The following FARP1 variants were observed in gnomAD, a reference collection of about 807,000 sequenced individuals.
FARP1 encodes FERM, ARHGEF and pleckstrin domain-containing protein 1.
In FARP1, 52 loss-of-function variants were observed where a neutral mutation model predicts 128.8. The ratio of observed to expected loss-of-function variants is 0.40; its 90% CI spans 0.32 to 0.51. The LOEUF (loss-of-function observed/expected upper bound fraction) is 0.51. FARP1 is among the 20% of genes least tolerant of loss of function. The probability of loss-of-function intolerance (pLI) is 0.45; values close to 1 mark genes in which losing one functional copy is unlikely to be tolerated. For synonymous variants in FARP1, 580 were observed against 551.8 expected, an observed-to-expected ratio of 1.05 and a Z score of -0.72; for missense variants, 1,333 against 1,367.9, an observed-to-expected ratio of 0.97 and a Z score of 0.40.
intron 2 of FARP1, among the ~76,000 whole-genome samples, chr13:98,226,708 T>A (rs149158785): frequency 6.6e-6 from 1 of 152,172 alleles, no homozygotes; most frequent in Non-Finnish European, 1.5e-5. Flanking sequence ...AAATCACATG[T>A]ATGTGTACTT....
intron 1 of FARP1, among the ~76,000 whole-genome samples, chr13:98,147,840 AT>A (rs944826580): frequency 5.2e-5 from 6 of 114,888 alleles, no homozygotes; most frequent in African/African-American, 1.9e-4. Context: ...CTTTAAAAAA[AT>A]TTTTCTTAGA....
intron 3 of FARP1, among the ~76,000 whole-genome samples, chr13:98,362,926 C>T (rs994774533): frequency 6.6e-6 from 1 of 152,196 alleles, no homozygotes. Flanking sequence ...CTGGTTGTTA[C>T]GTCTTCAGTT....
At chr13:98,188,177 A>T (rs1879003858) in intron 1 of FARP1, among the ~76,000 whole-genome samples, 1 of 152,154 alleles carries the variant, frequency 6.6e-6, no homozygotes, top group South Asian at 2.1e-4. Context: ...GCATTTCGGC[A>T]GCACCCACGT....
chr13:98,215,692 T>C (rs1298150839), intron 2 of FARP1, among the ~76,000 whole-genome samples: 1 of 152,192 alleles, frequency 6.6e-6, no homozygotes, highest in Non-Finnish European at 1.5e-5. Flanking sequence ...AGCTGCTAAT[T>C]AAATGTTTGC....
intron 1 of FARP1, among the ~76,000 whole-genome samples, chr13:98,161,136 G>A (rs1347473068): frequency 9.3e-5 from 14 of 151,280 alleles, no homozygotes. Context: ...TTTTAAGAAC[G>A]CTCTATTTTT....
At chr13:98,349,945 C>T (rs1433913536) in intron 3 of FARP1, among the ~76,000 whole-genome samples, 3 of 152,146 alleles carry the variant, frequency 2.0e-5, no homozygotes, top group African/African-American at 7.2e-5. Context: ...ACACCTCCTT[C>T]ATCTGTGCTT....
At chr13:98,330,393 A>G (rs988618706) in intron 2 of FARP1, among the ~76,000 whole-genome samples, 1 of 152,178 alleles carries the variant, frequency 6.6e-6, no homozygotes, top group Non-Finnish European at 1.5e-5. Flanking sequence ...GAAATTGTTT[A>G]TGTGATAAGT....
At chr13:98,218,609 G>C (rs912182213) in intron 2 of FARP1, among the ~76,000 whole-genome samples, 2 of 152,168 alleles carry the variant, frequency 1.3e-5, no homozygotes, top group African/African-American at 4.8e-5. Context: ...TGGGTACCGT[G>C]TGTCTACTGT....
At chr13:98,148,863 C>G (rs1159403236) in intron 1 of FARP1, among the ~76,000 whole-genome samples, 1 of 151,914 alleles carries the variant, frequency 6.6e-6, no homozygotes, top group East Asian at 1.9e-4. Flanking sequence ...CTGGCTATGA[C>G]ATGTCTAGGT....
intron 2 of FARP1, among the ~76,000 whole-genome samples, chr13:98,231,912 C>A (rs1882135279): frequency 6.6e-6 from 1 of 152,136 alleles, no homozygotes; most frequent in South Asian, 2.1e-4. Context: ...ACTGCAACCT[C>A]TGCCTCCCAG....
In FARP1 at chr13:98,384,869, T is replaced by C. The variant is rs199502278; in HGVS notation, c.611+25T>C. 3.5e-5 allele frequency: 50 copies of C among 1,436,580 alleles called. No individual in the cohort carries two copies. In the East Asian group the frequency reaches 1.0e-3, roughly 29 times the overall value. The allele number at this position is 1,436,580 out of a possible 1,614,324, so 89.0% of individuals were successfully genotyped here. Reference sequence around the variant, plus strand: ...TGTAAGTCTCATTCTTGGCTTCATATTCCCTCTGAGCCGGTTCTCTCTGCC... The same window carrying C: ...TGTAAGTCTCATTCTTGGCTTCATACTCCCTCTGAGCCGGTTCTCTCTGCC... On this transcript the variant is annotated intron_variant, in intron 7 of 26. Coordinates refer to ENST00000319562, the MANE Select transcript of FARP1 (RefSeq NM_005766.4).
intron 2 of FARP1, among the ~76,000 whole-genome samples, chr13:98,274,781 T>G (rs1884557076): frequency 6.6e-6 from 1 of 152,124 alleles, no homozygotes; most frequent in Non-Finnish European, 1.5e-5. Flanking sequence ...TTGGTGACCA[T>G]CAAAAATCTC....
At chr13:98,190,754 G>C (rs1044755566) in intron 1 of FARP1, among the ~76,000 whole-genome samples, 2 of 143,190 alleles carry the variant, frequency 1.4e-5, no homozygotes, top group Admixed American at 1.4e-4. Flanking sequence ...TTTTTTTGGA[G>C]AGACAGGGTC....
intron 1 of FARP1, among the ~76,000 whole-genome samples, chr13:98,189,748 T>G (rs1412566535): frequency 2.6e-5 from 4 of 152,254 alleles, no homozygotes. Flanking sequence ...GTAATAAATC[T>G]GTTTTGCATT....
intron 1 of FARP1, among the ~76,000 whole-genome samples, chr13:98,191,992 T>C (rs1879260592): frequency 6.6e-6 from 1 of 152,132 alleles, no homozygotes; most frequent in South Asian, 2.1e-4. Context: ...GAAAAATGAC[T>C]TGTAGTCCCG....
At chr13:98,444,283 C>T (rs142214692) in intron 24 of FARP1, among the ~76,000 whole-genome samples, 1 of 152,110 alleles carries the variant, frequency 6.6e-6, no homozygotes, top group African/African-American at 2.4e-5. Flanking sequence ...GACCCTGTGT[C>T]CATGTGAGGT....
In FARP1 at chr13:98,431,292, G is replaced by A. The variant is rs1454857203; in HGVS notation, c.2143+12G>A. ...CAGGGACTGCCGAGGTGAGTGCTGG[G>A]AGCCTGCGCCACCTGGTGCCCATGC... On this transcript the variant is annotated intron_variant, in intron 18 of 26. Transcript: ENST00000319562. 1 of 1,559,242 alleles carries A rather than the reference G, an allele frequency of 6.4e-7. No individual in the cohort carries two copies.
intron 16 of FARP1, among the ~76,000 whole-genome samples, chr13:98,418,338 G>A (rs965636795): frequency 6.6e-5 from 10 of 151,830 alleles, no homozygotes; most frequent in Admixed American, 6.6e-4. Flanking sequence ...GCAGCAGTGT[G>A]ATCTTGGCTC....
rs148282433 is a variant in FARP1 at position 98,391,862 on chromosome 13, G to A, written c.1088+982G>A. 1.8e-3 allele frequency among the ~76,000 whole-genome samples: 270 copies of A among 152,312 alleles called. 1 individual carries two copies. The highest frequency in any genetic ancestry group is 6.0e-3 in the African/African-American group (250 of 41,562). On this transcript the variant is annotated intron_variant, in intron 11 of 26. Coordinates refer to ENST00000319562, the MANE Select transcript of FARP1 (RefSeq NM_005766.4). The stretch of plus-strand genomic sequence containing the variant: ...AGCAGAACCCAAGGAGGGTAAAGGA[G>A]CGGAGGATAGGCCTCAAGAACTAGT...
Sources: gnomAD v4.1 joint callset for allele counts (sites outside exome capture counted in the v4.1 genomes callset) on GRCh38, gnomAD v4.1.1 for gene constraint, MANE v1.5 for transcripts, NCBI Gene and HGNC (gene_info 2026-07-23, HGNC 2026-07-21) for gene names.